The following ZNF609 variants were observed in gnomAD, a reference collection of about 807,000 sequenced individuals.
ZNF609 encodes the protein zinc finger protein 609.
ZNF609 carries 11 observed loss-of-function variants against 109.5 expected under a neutral mutation model. The ratio of observed to expected loss-of-function variants is 0.10; its 90% CI spans 0.06 to 0.17. The LOEUF (loss-of-function observed/expected upper bound fraction) is 0.17, where lower values mean the gene tolerates loss of function less well. Ranked by LOEUF, ZNF609 falls within the 10% of genes least tolerant of loss-of-function variation. The pLI, the probability that ZNF609 is intolerant of heterozygous loss-of-function variation, is 1.00. For missense variants in ZNF609, 1,559 were observed against 1,772.4 expected, an observed-to-expected ratio of 0.88 and a Z score of 2.16; for synonymous variants, 646 against 662.0, an observed-to-expected ratio of 0.98 and a Z score of 0.37.
intron 2 of ZNF609, chr15:64,529,776 G>A (rs1446737394): frequency 7.9e-6 from 4 of 505,262 alleles, no homozygotes; most frequent in Admixed American, 5.1e-5. Context: ...TGTTACCCAG[G>A]CTGGAGTGCA....
intron 1 of ZNF609, among the ~76,000 whole-genome samples, chr15:64,465,056 A>T (rs1299836102): frequency 6.6e-6 from 1 of 152,216 alleles, no homozygotes; most frequent in Admixed American, 6.5e-5. Flanking sequence ...ATGGCCCTAC[A>T]CGGCTCTATT....
chr15:64,585,078 A>G (rs919681092), intron 2 of ZNF609, among the ~76,000 whole-genome samples: 3 of 151,584 alleles, frequency 2.0e-5, no homozygotes, highest in African/African-American at 4.8e-5. Context: ...TAATCCCAGC[A>G]CTTTGGGAGG....
intron 3 of ZNF609, among the ~76,000 whole-genome samples, chr15:64,630,091 C>CTTTTTTTTTTTTTTTTT (rs200425813): frequency 7.0e-6 from 1 of 143,062 alleles, no homozygotes; most frequent in South Asian, 2.2e-4. Flanking sequence ...TCCTAATTTT[C>CTTTTTTTTTTTTTTTTT]TTTTTTCTTT....
intron 2 of ZNF609, chr15:64,529,038 G>A (rs568000267): frequency 3.9e-5 from 56 of 1,443,986 alleles, no homozygotes; most frequent in African/African-American, 1.1e-4. Flanking sequence ...GCTTGGCAGC[G>A]CCAGTAGAGA....
intron 2 of ZNF609, among the ~76,000 whole-genome samples, chr15:64,511,550 T>C (rs191519343): frequency 2.4e-4 from 37 of 151,214 alleles, no homozygotes; most frequent in African/African-American, 9.0e-4. Flanking sequence ...GCATACTGAA[T>C]GTATCCTATA....
At chr15:64,650,955 G>T (rs1395338239) in intron 3 of ZNF609, among the ~76,000 whole-genome samples, 1 of 152,068 alleles carries the variant, frequency 6.6e-6, no homozygotes, top group Non-Finnish European at 1.5e-5. Flanking sequence ...TTTGTTACTG[G>T]CCCGGCAGAG....
intron 3 of ZNF609, among the ~76,000 whole-genome samples, chr15:64,645,000 TCTTTCTTTCTTC>T (rs1567037966): frequency 8.4e-4 from 127 of 150,902 alleles, no homozygotes; most frequent in African/African-American, 2.9e-3. Context: ...TTTCTTTCTT[TCTTTCTTTCTTC>T]CTTCCTTCCT....
chr15:64,652,588 A>G (rs1393637006), intron 3 of ZNF609, among the ~76,000 whole-genome samples: 2 of 151,954 alleles, frequency 1.3e-5, no homozygotes, highest in Non-Finnish European at 2.9e-5. Context: ...GGGTTTTGCC[A>G]TGTTACCTAG....
At chr15:64,662,420 G>A (rs1896591670) in intron 3 of ZNF609, among the ~76,000 whole-genome samples, 1 of 152,038 alleles carries the variant, frequency 6.6e-6, no homozygotes, top group African/African-American at 2.4e-5. Context: ...AGATCTCCCG[G>A]GCTCAAGTGA....
At chr15:64,485,590 C>T (rs1028312599) in intron 1 of ZNF609, among the ~76,000 whole-genome samples, 37 of 152,138 alleles carry the variant, frequency 2.4e-4, no homozygotes, top group African/African-American at 8.7e-4. Flanking sequence ...ATCACTTAAG[C>T]CCAAAAGTTC....
At chr15:64,530,651 T>C (rs1438557678) in intron 2 of ZNF609, among the ~76,000 whole-genome samples, 1 of 152,246 alleles carries the variant, frequency 6.6e-6, no homozygotes, top group Non-Finnish European at 1.5e-5. Context: ...CGATGTCTTA[T>C]CTTTGTGACT....
Position 64,499,972 on chromosome 15 carries a change from G to A in ZNF609, c.553G>A (p.Val185Ile). The change falls in exon 2 of 10, where the codon GTC becomes ATC. Residue 185 changes from valine (V) to isoleucine (I), a missense_variant. Around this residue, in one of 4 missense-constraint regions of ZNF609, gnomAD observed 291 missense variants for 317.8 expected, o/e 0.92. Transcript: ENST00000326648. ...VGTCSEKDPG[V>I]LQPVPLGGRG... Reference sequence around the variant, plus strand: ...GACTTGTTCAGAAAAGGATCCTGGGGTCCTCCAGCCAGTTCCCTTGGGAGG... The same window carrying A: ...GACTTGTTCAGAAAAGGATCCTGGGATCCTCCAGCCAGTTCCCTTGGGAGG... 2 of 1,614,084 alleles carry A rather than the reference G, an allele frequency of 1.2e-6. No homozygotes were observed. Among genetic ancestry groups the A allele is most frequent in the Non-Finnish European group, 1.7e-6 (2 of 1,180,020 alleles).
At chr15:64,473,596 T>G (rs1893124054) in intron 1 of ZNF609, among the ~76,000 whole-genome samples, 1 of 151,680 alleles carries the variant, frequency 6.6e-6, no homozygotes, top group Non-Finnish European at 1.5e-5. Context: ...ACATTTAGCC[T>G]CACTAGTTAG....
At chr15:64,664,726 T>A (rs1213227771) in intron 3 of ZNF609, among the ~76,000 whole-genome samples, 1 of 152,202 alleles carries the variant, frequency 6.6e-6, no homozygotes, top group Non-Finnish European at 1.5e-5. Flanking sequence ...AGCCTCCATT[T>A]TGTCTTTCCA....
At position 64,546,937 on chromosome 15, in the gene ZNF609, C is replaced by T. The variant is rs564765662; in HGVS notation, c.747+46771C>T. Reference sequence around the variant, plus strand: ...TCCCGAGTAGCTGGGACCACAGGCGCACGCCACCACACCTGGCTAAATTTT... The same window carrying T: ...TCCCGAGTAGCTGGGACCACAGGCGTACGCCACCACACCTGGCTAAATTTT... On this transcript the variant is annotated intron_variant, in intron 2 of 9. Coordinates refer to ENST00000326648, the MANE Select transcript of ZNF609 (RefSeq NM_015042.2). Among the ~76,000 whole-genome samples the T allele has an allele frequency of 5.9e-5, 9 of 151,902 alleles. No homozygotes were observed. The South Asian group carries it at 1.9e-3, about 32-fold the overall frequency.
intron 2 of ZNF609, among the ~76,000 whole-genome samples, chr15:64,551,768 G>A (rs1383853179): frequency 2.0e-5 from 3 of 149,810 alleles, no homozygotes; most frequent in East Asian, 3.9e-4. Context: ...CACATTTATT[G>A]ATTAAGCTTA....
chr15:64,527,755 C>T (rs958540965), intron 2 of ZNF609, among the ~76,000 whole-genome samples: 3 of 152,132 alleles, frequency 2.0e-5, no homozygotes, highest in African/African-American at 7.2e-5. Context: ...ATCTTTGATG[C>T]CTTTCCCTCA....
At chr15:64,591,956 G>A (rs577255384) in intron 2 of ZNF609, among the ~76,000 whole-genome samples, 32 of 152,096 alleles carry the variant, frequency 2.1e-4, no homozygotes, top group Non-Finnish European at 3.5e-4. Flanking sequence ...TGATCCGCCC[G>A]CCTTGGCCTC....
intron 2 of ZNF609, among the ~76,000 whole-genome samples, chr15:64,606,042 A>C (rs999568327): frequency 1.3e-5 from 2 of 148,474 alleles, no homozygotes; most frequent in Admixed American, 1.4e-4. Flanking sequence ...GGTGTGAGCC[A>C]CCGCGCCTGG....
Sources: gnomAD v4.1 joint callset for allele counts (sites outside exome capture counted in the v4.1 genomes callset) on GRCh38, gnomAD v4.1.1 for gene constraint, gnomAD v4.1.1 regional missense constraint, MANE v1.5 for transcripts, NCBI Gene and HGNC (gene_info 2026-07-23, HGNC 2026-07-21) for gene names.